Variants in KPNA6 observed in about 807,000 individuals in gnomAD.
KPNA6 encodes the protein karyopherin subunit alpha 6.
Under a neutral mutation model 72.0 loss-of-function variants are expected in KPNA6, and 9 were observed. That is an observed-to-expected ratio of 0.13 (90% CI 0.08 to 0.22). KPNA6 has a LOEUF of 0.22. Ranked by LOEUF, KPNA6 falls within the 10% of genes least tolerant of loss-of-function variation. The probability of loss-of-function intolerance (pLI) is 1.00; values close to 1 mark genes in which losing one functional copy is unlikely to be tolerated. For synonymous variants in KPNA6, 219 were observed against 242.1 expected, an observed-to-expected ratio of 0.90 and a Z score of 0.89; for missense variants, 374 against 655.7, an observed-to-expected ratio of 0.57 and a Z score of 4.69.
chr1:32,162,389 G>T lies in KPNA6; in HGVS notation c.776G>T (p.Arg259Leu). The change falls in exon 9 of 14, where the codon CGC (arginine) becomes CTC (leucine). Residue 259 changes from arginine (R) to leucine (L), a missense_variant. Physicochemically the swap from Arg to Leu is moderately radical, Grantham distance 102. Transcript: ENST00000373625. ...TCTCCTTGTTTGCCTGTACTGTCTC[G>T]CCTACTCTTCAGCAGCGACTCGGAC... is the stretch of plus-strand genomic sequence containing the variant. The part of the protein sequence containing the change: ...KVSPCLPVLS[R>L]LLFSSDSDLL... 2 of 1,610,578 alleles carry T rather than the reference G, an allele frequency of 1.2e-6. 1 individual carries two copies. The highest frequency in any genetic ancestry group is 2.2e-5 in the South Asian group (2 of 90,566).
At position 32,166,009 on chromosome 1, in the gene KPNA6, CAAA is replaced by C. The variant is rs1194830267; in HGVS notation, c.991-93_991-91del. 3.4e-5 allele frequency: 39 copies of C among 1,137,448 alleles called. No individual in the cohort carries two copies. In the African/African-American group the frequency reaches 5.5e-4, roughly 16 times the overall value. The allele number at this position is 1,137,448 out of a possible 1,614,324, so 70.5% of individuals were successfully genotyped here. On this transcript the variant is annotated intron_variant, in intron 10 of 13. Coordinates refer to ENST00000373625, the MANE Select transcript of KPNA6 (RefSeq NM_012316.5). ...CGAGACTCTGTCTCAAAAAAAAAAA[CAAA>C]AACAACAACAACAACAACAACAACA...
At chr1:32,117,491 TA>T (rs34416235) in intron 1 of KPNA6, among the ~76,000 whole-genome samples, 12 of 149,760 alleles carry the variant, frequency 8.0e-5, no homozygotes, top group African/African-American at 2.7e-4. Context: ...TTTTTTTTTT[TA>T]AAAAAAACAC....
chr1:32,152,009 A>G (rs1570047871), intron 1 of KPNA6, among the ~76,000 whole-genome samples: 1 of 152,230 alleles, frequency 6.6e-6, no homozygotes, highest in African/African-American at 2.4e-5. Context: ...TAAGGAAAAC[A>G]TTAGTGAAGT....
At chr1:32,114,558 G>GT (rs2124520543) in intron 1 of KPNA6, among the ~76,000 whole-genome samples, 1 of 151,840 alleles carries the variant, frequency 6.6e-6, no homozygotes, top group African/African-American at 2.4e-5. Context: ...TTCAGCATAC[G>GT]TTTTAAGCTT....
At chr1:32,119,158 G>A (rs1641388709) in intron 1 of KPNA6, among the ~76,000 whole-genome samples, 2 of 150,296 alleles carry the variant, frequency 1.3e-5, no homozygotes, top group African/African-American at 4.9e-5. Context: ...AGCCTACTGA[G>A]TAGCTGGGAT....
Position 32,163,352 on chromosome 1 carries a change from G to A in KPNA6, c.990+39G>A, listed in dbSNP as rs1056533142. 4.8e-6 allele frequency: 7 copies of A among 1,467,256 alleles called. No homozygotes were observed. In the East Asian group the frequency reaches 1.6e-4, roughly 34 times the overall value. 90.9% of individuals were successfully genotyped at this position (1,467,256 alleles called of 1,614,324 possible). ...GGGTGCAGGATCTTAGACCAGCTAT[G>A]GAAGAGCTTGTGGAGAGCTGCCAGT... On this transcript the variant is annotated intron_variant, in intron 10 of 13. Transcript: ENST00000373625.
intron 1 of KPNA6, among the ~76,000 whole-genome samples, chr1:32,140,382 T>G (rs1451851544): frequency 6.6e-6 from 1 of 151,046 alleles, no homozygotes; most frequent in East Asian, 1.9e-4. Context: ...AGACTCTGTC[T>G]CAGGAGAAAA....
chr1:32,132,853 A>C (rs1484258057), intron 1 of KPNA6, among the ~76,000 whole-genome samples: 3 of 152,010 alleles, frequency 2.0e-5, no homozygotes, highest in Non-Finnish European at 4.4e-5. Flanking sequence ...CAGTGAGCCA[A>C]GATGGCGCCA....
At chr1:32,144,999 C>G (rs1641905629) in intron 1 of KPNA6, among the ~76,000 whole-genome samples, 1 of 146,108 alleles carries the variant, frequency 6.8e-6, no homozygotes, top group African/African-American at 2.6e-5. Context: ...GTCGCCCAGG[C>G]TGAAGTGCAG....
At chr1:32,110,381 A>G (rs1312633423) in intron 1 of KPNA6, among the ~76,000 whole-genome samples, 1 of 152,098 alleles carries the variant, frequency 6.6e-6, no homozygotes, top group African/African-American at 2.4e-5. Context: ...TGGATTTTTA[A>G]AGATCTGAGA....
chr1:32,112,529 G>T (rs1641258791), intron 1 of KPNA6, among the ~76,000 whole-genome samples: 2 of 152,124 alleles, frequency 1.3e-5, no homozygotes, highest in Admixed American at 1.3e-4. Flanking sequence ...GGCCCTGTCT[G>T]TCACCCAGGC....
chr1:32,120,134 G>A (rs1641406275), intron 1 of KPNA6, among the ~76,000 whole-genome samples: 2 of 152,062 alleles, frequency 1.3e-5, no homozygotes, highest in South Asian at 4.1e-4. Flanking sequence ...AATATAGCCT[G>A]AGAATTGTCT....
At chr1:32,109,831 T>C (rs918546500) in intron 1 of KPNA6, among the ~76,000 whole-genome samples, 34 of 151,830 alleles carry the variant, frequency 2.2e-4, no homozygotes, top group African/African-American at 8.0e-4. Context: ...TATTTTTTTG[T>C]ATTTTTAGTG....
In KPNA6 at chr1:32,115,293, G is replaced by A. The variant is rs562958896; in HGVS notation, c.4+7159G>A. Among the ~76,000 whole-genome samples the A allele has an allele frequency of 1.3e-4, 19 of 151,556 alleles. No homozygotes were observed. The East Asian group carries it at 3.3e-3, about 27-fold the overall frequency. On this transcript the variant is annotated intron_variant, in intron 1 of 13. Transcript: ENST00000373625. ...TGGGACCACAGGCGCCCGCTACCACGCCCGGCTAATTTTTTTTTGTATTTT... is the reference window on the plus strand; with the variant it reads ...TGGGACCACAGGCGCCCGCTACCACACCCGGCTAATTTTTTTTTGTATTTT...
intron 1 of KPNA6, among the ~76,000 whole-genome samples, chr1:32,127,058 C>T (rs1385124440): frequency 6.6e-6 from 1 of 152,106 alleles, no homozygotes; most frequent in Non-Finnish European, 1.5e-5. Flanking sequence ...TTCACATTAC[C>T]TCCTTAATCC....
rs1023174517 is a variant in KPNA6, at chr1:32,170,615, A to G, written c.1424-92A>G. ...CATATGACTTGTGTTTGTAAGCACT[A>G]ACATACCTCAGGGAAGGAAAAATAG... On this transcript the variant is annotated intron_variant, in intron 13 of 13. Transcript: ENST00000373625. 1.5e-4 allele frequency: 158 copies of G among 1,031,850 alleles called. No individual in the cohort carries two copies. In the African/African-American group the frequency reaches 2.2e-3, roughly 14 times the overall value. The allele number at this position is 1,031,850 out of a possible 1,614,324, so 63.9% of individuals were successfully genotyped here.
chr1:32,166,780 AAAG>A (rs869139538), intron 11 of KPNA6, among the ~76,000 whole-genome samples: 2 of 150,610 alleles, frequency 1.3e-5, no homozygotes, highest in Non-Finnish European at 3.0e-5. Flanking sequence ...ATACAAAAAA[AAAG>A]AAAAATTAGC....
rs372726019 is a variant in KPNA6, at chr1:32,170,942, G to A, written c.*48G>A. On this transcript the variant is annotated 3_prime_UTR_variant, in exon 14 of 14. Transcript: ENST00000373625. ...GGGATGGGAAGCACCACCAGCCAGC[G>A]GAAGAGCAGCCCTCTGGTGGGCGGG... is the stretch of plus-strand genomic sequence containing the variant. 1,168 of 1,556,284 alleles carry A rather than the reference G, an allele frequency of 7.5e-4. 1 individual carries two copies. The highest frequency in any genetic ancestry group is 9.2e-4 in the Non-Finnish European group (1,037 of 1,130,014).
chr1:32,129,115 C>T (rs1557463062), intron 1 of KPNA6, among the ~76,000 whole-genome samples: 1 of 150,844 alleles, frequency 6.6e-6, no homozygotes, highest in East Asian at 1.9e-4. Context: ...TATTTCCCTC[C>T]CTCTCTCTCT....
Sources: gnomAD v4.1 joint callset for allele counts (sites outside exome capture counted in the v4.1 genomes callset) on GRCh38, gnomAD v4.1.1 for gene constraint, MANE v1.5 for transcripts, NCBI Gene and HGNC (gene_info 2026-07-23, HGNC 2026-07-21) for gene names.